DNAJC15: variants seen among roughly 807,000 people sequenced by gnomAD.
The protein encoded by DNAJC15 is DnaJ heat shock protein family (Hsp40) member C15, also known as dnaJ homolog subfamily C member 15.
Under a neutral mutation model 22.4 loss-of-function variants are expected in DNAJC15, and 27 were observed. The observed-to-expected ratio is 1.20, with a 90% CI of 0.89 to 1.66. DNAJC15 has a LOEUF of 1.66. Among genes scored for constraint, DNAJC15 ranks in the 40% most tolerant of loss-of-function variants. The pLI, the probability that DNAJC15 is intolerant of heterozygous loss-of-function variation, is 0.00. For missense variants in DNAJC15, 208 were observed against 187.1 expected (o/e 1.11, Z -0.65); for synonymous variants, 79 against 63.2 (o/e 1.25, Z -1.19).
Position 43,110,563 on chromosome 13 carries a change from A to T in DNAJC15, c.*3315A>T, listed in dbSNP as rs1263913966. 6.6e-6 allele frequency: 1 copy of T among 152,206 alleles called. No homozygotes were observed. 9.4% of individuals were successfully genotyped at this position (152,206 alleles called of 1,614,324 possible). A position where few individuals can be genotyped will look rare whatever the true frequency, so the allele number is the denominator to read the frequency against. ...GAAATATAAGCCCAGAAAGTTTCAGATAATAAATACAACTATTTTTCTGCT... is the reference window on the plus strand; with the variant it reads ...GAAATATAAGCCCAGAAAGTTTCAGTTAATAAATACAACTATTTTTCTGCT... On this transcript the variant is annotated 3_prime_UTR_variant, in exon 6 of 6. Coordinates refer to ENST00000379221, the MANE Select transcript of DNAJC15 (RefSeq NM_013238.3).
intron 5 of DNAJC15, among the ~76,000 whole-genome samples, chr13:43,098,218 C>G (rs1348561729): frequency 1.3e-5 from 2 of 152,132 alleles, no homozygotes; most frequent in African/African-American, 4.8e-5. Flanking sequence ...AATTTGACCC[C>G]TATAAGGAAG....
intron 4 of DNAJC15, among the ~76,000 whole-genome samples, chr13:43,083,844 A>C (rs2040675156): frequency 6.6e-6 from 1 of 152,200 alleles, no homozygotes; most frequent in South Asian, 2.1e-4. Flanking sequence ...TAAGTTTAGA[A>C]TGCTGCTTCA....
At position 43,113,909 on chromosome 13, in the gene DNAJC15, C is replaced by T. The variant is rs1323539006; in HGVS notation, c.*6661C>T. On this transcript the variant is annotated 3_prime_UTR_variant, in exon 6 of 6. Coordinates refer to ENST00000379221, the MANE Select transcript of DNAJC15 (RefSeq NM_013238.3). ...GAAATGCAGCCTTTCCTGGTTAACC[C>T]TGCTTGGATCTGAGTTACACTTTGT... 3 of 152,198 alleles carry T rather than the reference C, an allele frequency of 2.0e-5. No individual in the cohort carries two copies. Among genetic ancestry groups the T allele is most frequent in the Non-Finnish European group, 2.9e-5 (2 of 68,054 alleles). The allele number at this position is 152,198 out of a possible 1,614,324, so 9.4% of individuals were successfully genotyped here.
At chr13:43,067,874 A>G (rs1417162377) in intron 2 of DNAJC15, among the ~76,000 whole-genome samples, 1 of 152,164 alleles carries the variant, frequency 6.6e-6, no homozygotes, top group African/African-American at 2.4e-5. Flanking sequence ...CATCTATGTG[A>G]TAAGAGATAC....
intron 1 of DNAJC15, among the ~76,000 whole-genome samples, chr13:43,055,943 A>C (rs1164609788): frequency 6.6e-6 from 1 of 152,034 alleles, no homozygotes; most frequent in East Asian, 1.9e-4. Context: ...TGTGTCACTA[A>C]TGTCAGTTCA....
chr13:43,056,222 G>C (rs1011772897), intron 1 of DNAJC15, among the ~76,000 whole-genome samples: 10 of 151,330 alleles, frequency 6.6e-5, no homozygotes, highest in African/African-American at 2.2e-4. Flanking sequence ...TGCAATCTCA[G>C]CTCACTGCAA....
At chr13:43,041,259 A>G (rs900327823) in intron 1 of DNAJC15, among the ~76,000 whole-genome samples, 8 of 152,190 alleles carry the variant, frequency 5.3e-5, no homozygotes, top group African/African-American at 1.9e-4. Context: ...ACTCTTAACC[A>G]CTGCTGCCTT....
chr13:43,065,887 C>T, intron 2 of DNAJC15, 150 bp downstream of exon 2: 1 of 656,596 alleles, frequency 1.5e-6, no homozygotes, highest in Non-Finnish European at 2.5e-6. Context: ...AGTTACTGAA[C>T]ATTTGTCATT....
At chr13:43,085,676 T>C in intron 4 of DNAJC15, 92 bp from the exon 5 acceptor site, 2 of 936,268 alleles carry the variant, frequency 2.1e-6, no homozygotes, top group South Asian at 1.6e-5. Context: ...GAAATTCTCA[T>C]TAGGTATAAT....
intron 5 of DNAJC15, among the ~76,000 whole-genome samples, chr13:43,099,633 TGA>T (rs1209308814): frequency 6.6e-6 from 1 of 152,148 alleles, no homozygotes; most frequent in Non-Finnish European, 1.5e-5. Flanking sequence ...CTCCATGTAT[TGA>T]GATCATTATG....
chr13:43,065,396 G>T (rs567965915), intron 1 of DNAJC15, among the ~76,000 whole-genome samples: 1 of 151,960 alleles, frequency 6.6e-6, no homozygotes, highest in Non-Finnish European at 1.5e-5. Context: ...ATTAAAAATC[G>T]TCTATAGAAA....
intron 1 of DNAJC15, among the ~76,000 whole-genome samples, chr13:43,026,307 CTTTTAAAA>C (rs2040380424): frequency 6.6e-6 from 1 of 152,186 alleles, no homozygotes; most frequent in African/African-American, 2.4e-5. Context: ...CCTACTTAAT[CTTTTAAAA>C]TTGAGGGATG....
chr13:43,063,029 G>A (rs1404857232), intron 1 of DNAJC15, among the ~76,000 whole-genome samples: 1 of 151,706 alleles, frequency 6.6e-6, no homozygotes, highest in South Asian at 2.1e-4. Context: ...TTTATTTTTT[G>A]AGAGAGTCTC....
In DNAJC15 at chr13:43,111,924, C is replaced by T. The variant is rs1566221384; in HGVS notation, c.*4676C>T. 6.6e-6 allele frequency: 1 copy of T among 152,190 alleles called. No individual in the cohort carries two copies. Among genetic ancestry groups the T allele is most frequent in the Non-Finnish European group, 1.5e-5 (1 of 68,038 alleles). 9.4% of individuals were successfully genotyped at this position (152,190 alleles called of 1,614,324 possible). On this transcript the variant is annotated 3_prime_UTR_variant, in exon 6 of 6. Transcript: ENST00000379221. The stretch of plus-strand genomic sequence containing the variant: ...TGAGTCAAAATTTTATTTATGGTGG[C>T]ATTACACACATTAAGAGATGAGGAC...
intron 1 of DNAJC15, among the ~76,000 whole-genome samples, chr13:43,033,272 T>C (rs1175088318): frequency 6.6e-6 from 1 of 152,158 alleles, no homozygotes; most frequent in Admixed American, 6.5e-5. Flanking sequence ...AAAAAATTAG[T>C]CACTTGTGGT....
intron 5 of DNAJC15, among the ~76,000 whole-genome samples, chr13:43,104,485 G>A (rs1475713980): frequency 6.6e-6 from 1 of 152,066 alleles, no homozygotes; most frequent in East Asian, 1.9e-4. Flanking sequence ...TTGGGTGTCA[G>A]TGGGAGAGTT....
At chr13:43,090,742 C>T (rs542453522) in intron 5 of DNAJC15, among the ~76,000 whole-genome samples, 4 of 148,242 alleles carry the variant, frequency 2.7e-5, no homozygotes, top group African/African-American at 9.9e-5. Flanking sequence ...GAGTCTTGCT[C>T]CGTTGCCCAG....
intron 5 of DNAJC15, among the ~76,000 whole-genome samples, chr13:43,095,335 G>C (rs533732039): frequency 6.6e-6 from 1 of 152,162 alleles, no homozygotes; most frequent in Non-Finnish European, 1.5e-5. Flanking sequence ...TAGGTAGATG[G>C]TGGAGCTATT....
At chr13:43,051,177 C>T (rs2040501148) in intron 1 of DNAJC15, among the ~76,000 whole-genome samples, 1 of 152,070 alleles carries the variant, frequency 6.6e-6, no homozygotes, top group Non-Finnish European at 1.5e-5. Context: ...GGGGTTTCAC[C>T]ATGTTAGCAA....
Sources: gnomAD v4.1 joint callset for allele counts (sites outside exome capture counted in the v4.1 genomes callset) on GRCh38, gnomAD v4.1.1 for gene constraint, MANE v1.5 for transcripts, NCBI Gene and HGNC (gene_info 2026-07-23, HGNC 2026-07-21) for gene names.